Variants in RBM25 observed in about 807,000 individuals in gnomAD.
RBM25 encodes RNA-binding protein 25.
RBM25 carries 19 observed loss-of-function variants against 120.7 expected under a neutral mutation model. That is an observed-to-expected ratio of 0.16 (90% confidence interval 0.11 to 0.23). The LOEUF is 0.23. Among genes scored for constraint, RBM25 ranks in the 10% least tolerant of loss-of-function variants. The pLI, the probability that RBM25 is intolerant of heterozygous loss-of-function variation, is 1.00. For synonymous variants in RBM25, 390 were observed against 326.7 expected (o/e 1.19, Z -2.09); for missense variants, 605 against 1,041.5 (o/e 0.58, Z 5.77).
intron 18 of RBM25, among the ~76,000 whole-genome samples, chr14:73,117,205 C>CTTTTATTTTTTTTTTTTTTTTTTTT (rs1896448964): frequency 5.5e-5 from 2 of 36,564 alleles, no homozygotes; most frequent in African/African-American, 2.0e-4. Context: ...TTTCTTTCTT[C>CTTTTATTTTTTTTTTTTTTTTTTTT]TTTTCTTTTT....
rs560929887 is a variant in RBM25, at chr14:73,074,683, A to G, written c.107-1636A>G. Among the ~76,000 whole-genome samples, 32 of 151,922 alleles carry G rather than the reference A, an allele frequency of 2.1e-4. 1 individual carries two copies. In the South Asian group the frequency reaches 6.7e-3, roughly 32 times the overall value. The stretch of plus-strand genomic sequence containing the variant: ...TTACCAGTAGATTGGGTTTATAGAA[A>G]AGATTTTAAATTTCTTTGATTTTTT... On this transcript the variant is annotated intron_variant, in intron 2 of 18. Transcript: ENST00000261973.
rs1319870808 is a variant in RBM25, at chr14:73,123,746, T to TA, written c.*3942dup. The TA allele has an allele frequency of 4.6e-5, 7 of 152,262 alleles. No individual in the cohort carries two copies. The highest frequency in any genetic ancestry group is 1.3e-4 in the Admixed American group (2 of 15,288). The allele number at this position is 152,262 out of a possible 1,614,324, so 9.4% of individuals were successfully genotyped here. On this transcript the variant is annotated 3_prime_UTR_variant, in exon 19 of 19. Transcript: ENST00000261973. ...GTTAATTTATTTGCATTTGAATGCT[T>TA]ACATTTTTAATTGACAGAATCTTTG...
intron 14 of RBM25, among the ~76,000 whole-genome samples, chr14:73,110,236 G>A (rs1896281697): frequency 6.6e-6 from 1 of 151,260 alleles, no homozygotes; most frequent in Admixed American, 6.6e-5. Flanking sequence ...AGGCTGGAGT[G>A]CAGTAGCGGA....
chr14:73,059,075 C>G (rs1894936048), intron 1 of RBM25, among the ~76,000 whole-genome samples: 1 of 152,134 alleles, frequency 6.6e-6, no homozygotes, highest in Admixed American at 6.5e-5. Flanking sequence ...TCCCTGAGCC[C>G]CCTTACTTAC....
chr14:73,114,428 C>T lies in RBM25; in HGVS notation c.2439+95C>T, dbSNP rs551277118. ...ATATAGATGGGGTCTCACCACGTTG[C>T]CCAGGGTAGTCTTAAATTCCTAGGC... On this transcript the variant is annotated intron_variant, in intron 18 of 18. Coordinates refer to ENST00000261973, the MANE Select transcript of RBM25 (RefSeq NM_021239.3). The T allele has an allele frequency of 2.0e-5, 17 of 854,412 alleles. No homozygotes were observed. In the African/African-American group the frequency reaches 2.8e-4, roughly 14 times the overall value. 52.9% of individuals were successfully genotyped at this position (854,412 alleles called of 1,614,324 possible).
At chr14:73,113,293 G>T (rs1896353818) in intron 17 of RBM25, among the ~76,000 whole-genome samples, 1 of 151,842 alleles carries the variant, frequency 6.6e-6, no homozygotes, top group Non-Finnish European at 1.5e-5. Context: ...CACCATGTTG[G>T]CCAGGCTGGT....
intron 18 of RBM25, 58 bp from the exon 19 acceptor site, chr14:73,119,655 T>C: frequency 6.2e-7 from 1 of 1,600,906 alleles, no homozygotes; most frequent in Non-Finnish European, 8.5e-7. Flanking sequence ...GCCACTGTTT[T>C]TGGCAGATGT....
Position 73,058,583 on chromosome 14 carries a change from G to C in RBM25, c.-138G>C, listed in dbSNP as rs1417239002. 2.0e-5 allele frequency: 3 copies of C among 152,206 alleles called. No individual in the cohort carries two copies. Among genetic ancestry groups the C allele is most frequent in the Non-Finnish European group, 4.4e-5 (3 of 68,058 alleles). The allele number at this position is 152,206 out of a possible 1,614,324, so 9.4% of individuals were successfully genotyped here. A position where few individuals can be genotyped will look rare whatever the true frequency, so the allele number is the denominator to read the frequency against. The stretch of plus-strand genomic sequence containing the variant: ...GCGCGGCTGTATTTGCGGCCTGTGC[G>C]AGTAGGCGCTTGGGCACTCAGTCTC... On this transcript the variant is annotated 5_prime_UTR_variant, in exon 1 of 19. Transcript: ENST00000261973.
chr14:73,120,277 A>G lies in RBM25; in HGVS notation c.*472A>G, dbSNP rs2140470712. ...CCCTTGTGAAGGCATGGAGTTTAAA[A>G]TTGGAATGCAAAAATTAGCAGACAA... On this transcript the variant is annotated 3_prime_UTR_variant, in exon 19 of 19. Transcript: ENST00000261973. 1 of 153,000 alleles carries G rather than the reference A, an allele frequency of 6.5e-6. No homozygotes were observed. Among genetic ancestry groups the G allele is most frequent in the African/African-American group, 2.4e-5 (1 of 41,598 alleles). 9.5% of individuals were successfully genotyped at this position (153,000 alleles called of 1,614,324 possible).
At chr14:73,061,480 C>G (rs1205902860) in intron 1 of RBM25, among the ~76,000 whole-genome samples, 1 of 151,352 alleles carries the variant, frequency 6.6e-6, no homozygotes, top group Non-Finnish European at 1.5e-5. Flanking sequence ...CAAAAGGATT[C>G]CTTCTGTCTG....
chr14:73,079,359 G>A (rs980050274), intron 4 of RBM25, among the ~76,000 whole-genome samples: 2 of 150,632 alleles, frequency 1.3e-5, no homozygotes, highest in Admixed American at 1.3e-4. Flanking sequence ...GGAGGCGGAG[G>A]TTGCAGTGAG....
In RBM25 at chr14:73,077,359, T is replaced by C; in HGVS notation, c.157-10T>C. On this transcript the variant is annotated splice_polypyrimidine_tract_variant and intron_variant, in intron 3 of 18. Transcript: ENST00000261973. ...GCTGGATCAATTTTTATTTTGTTTC[T>C]TCACCTTAGGTCTTAGTACCCACTG... The C allele has an allele frequency of 6.3e-7, 1 of 1,578,930 alleles. No homozygotes were observed. Among genetic ancestry groups the C allele is most frequent in the Non-Finnish European group, 8.6e-7 (1 of 1,166,098 alleles).
intron 9 of RBM25, chr14:73,102,865 C>T (rs1053073231): frequency 1.7e-5 from 4 of 235,174 alleles, no homozygotes; most frequent in Non-Finnish European, 3.3e-5. Flanking sequence ...AACCAATGAT[C>T]GTATTCATAG....
chr14:73,080,003 T>C lies in RBM25; in HGVS notation c.324+2467T>C, dbSNP rs949698670. On this transcript the variant is annotated intron_variant, in intron 4 of 18. Transcript: ENST00000261973. ...GAGTATAGAAATGTGTTTGCTCCTGTCTGCTTCTGGAAGTCTCTGTTTTGC... is the reference window on the plus strand; with the variant it reads ...GAGTATAGAAATGTGTTTGCTCCTGCCTGCTTCTGGAAGTCTCTGTTTTGC... Among the ~76,000 whole-genome samples, 2 of 150,194 alleles carry C rather than the reference T, an allele frequency of 1.3e-5. 1 individual carries two copies. Among genetic ancestry groups the C allele is most frequent in the Admixed American group, 1.3e-4 (2 of 14,978 alleles).
rs185325461 is a variant in RBM25, at chr14:73,073,487, A to C, written c.106+1740A>C. 1.1e-4 allele frequency among the ~76,000 whole-genome samples: 16 copies of C among 152,362 alleles called. No individual in the cohort carries two copies. The East Asian group carries it at 2.9e-3, about 28-fold the overall frequency. ...TGGATCACCTGAGTTCAGGAGTTAGAGACCAGTCTGGCCAACGTGGCAAAA... is the reference window on the plus strand; with the variant it reads ...TGGATCACCTGAGTTCAGGAGTTAGCGACCAGTCTGGCCAACGTGGCAAAA... On this transcript the variant is annotated intron_variant, in intron 2 of 18. Transcript: ENST00000261973.
intron 7 of RBM25, among the ~76,000 whole-genome samples, chr14:73,098,657 A>C: frequency 6.6e-6 from 1 of 150,542 alleles, no homozygotes. Flanking sequence ...CCCTACCCCC[A>C]CCCAAGACGG....
chr14:73,107,988 G>C, intron 13 of RBM25, 89 bp downstream of exon 13: 1 of 861,166 alleles, frequency 1.2e-6, no homozygotes. Context: ...TGTTCACTAA[G>C]TGGAATAAGA....
chr14:73,083,407 C>T, intron 4 of RBM25, 87 bp from the exon 5 acceptor site: 2 of 1,041,736 alleles, frequency 1.9e-6, no homozygotes, highest in Non-Finnish European at 2.7e-6. Context: ...TTTTTTATCC[C>T]TAGTAGAAAT....
intron 2 of RBM25, among the ~76,000 whole-genome samples, chr14:73,072,259 C>T (rs1360600598): frequency 6.6e-6 from 1 of 151,906 alleles, no homozygotes; most frequent in African/African-American, 2.4e-5. Context: ...GTGTGAGCCA[C>T]CATGCCCAGC....
Sources: allele counts gnomAD v4.1 joint callset (sites outside exome capture counted in the v4.1 genomes callset), GRCh38; gene constraint gnomAD v4.1.1; transcripts MANE v1.5; gene names NCBI Gene and HGNC (gene_info 2026-07-23, HGNC 2026-07-21).